The following SLC22A4 variants were observed in gnomAD, a reference collection of about 807,000 sequenced individuals.
SLC22A4 encodes ET transporter.
SLC22A4 carries 39 observed loss-of-function variants against 56.6 expected under a neutral mutation model. That is an observed-to-expected ratio of 0.69 (90% CI 0.53 to 0.90). The LOEUF (loss-of-function observed/expected upper bound fraction) is 0.90, where lower values mean the gene tolerates loss of function less well. SLC22A4 is among the 40% of genes least tolerant of loss of function. The pLI, the probability that SLC22A4 is intolerant of heterozygous loss-of-function variation, is 0.00. For synonymous variants in SLC22A4, 241 were observed against 281.4 expected, an observed-to-expected ratio of 0.86 and a Z score of 1.44; for missense variants, 594 against 696.5, an observed-to-expected ratio of 0.85 and a Z score of 1.66.
intron 1 of SLC22A4, among the ~76,000 whole-genome samples, chr5:132,298,653 C>A (rs925539351): frequency 6.6e-6 from 1 of 152,176 alleles, no homozygotes; most frequent in South Asian, 2.1e-4. Context: ...AGAGAAGCCA[C>A]CTTATCTGAG....
intron 9 of SLC22A4, among the ~76,000 whole-genome samples, chr5:132,343,504 A>T (rs185999944): frequency 6.6e-6 from 1 of 152,266 alleles, no homozygotes; most frequent in Non-Finnish European, 1.5e-5. Context: ...CAAGAATTTC[A>T]TGCCTCCCTC....
In SLC22A4 at chr5:132,334,648, T is replaced by C. The variant is rs1750965886; in HGVS notation, c.1047-70T>C. 3 of 1,065,710 alleles carry C rather than the reference T, an allele frequency of 2.8e-6. No individual in the cohort carries two copies. The East Asian group carries it at 7.1e-5, about 25-fold the overall frequency. 66.0% of individuals were successfully genotyped at this position (1,065,710 alleles called of 1,614,324 possible). A position where few individuals can be genotyped will look rare whatever the true frequency, so the allele number is the denominator to read the frequency against. On this transcript the variant is annotated intron_variant, in intron 6 of 9. Coordinates refer to ENST00000200652, the MANE Select transcript of SLC22A4 (RefSeq NM_003059.3). ...TTATAAGACAGCAAGATATAGAGAA[T>C]TTCTTGACCATCATAAAATTTTAGA...
chr5:132,299,394 G>GTTTTT (rs1254456513), intron 1 of SLC22A4, among the ~76,000 whole-genome samples: 14 of 77,892 alleles, frequency 1.8e-4, no homozygotes, highest in East Asian at 6.0e-4. Context: ...ATTATTTTTC[G>GTTTTT]TTTTATTTTA....
At position 132,318,605 on chromosome 5, in the gene SLC22A4, CT is replaced by C. The variant is rs371028756; in HGVS notation, c.653-3578del. Among the ~76,000 whole-genome samples, 607 of 152,288 alleles carry C rather than the reference CT, an allele frequency of 4.0e-3. 3 individuals are homozygous for C. The highest frequency in any genetic ancestry group is 0.012 in the African/African-American group (481 of 41,552). Reference sequence around the variant, plus strand: ...GGCCCAGCGGTTCCTGGGGCAGGTACTGCTCTACATGGAAGGCAGCCTGGCC... The same window carrying C: ...GGCCCAGCGGTTCCTGGGGCAGGTACGCTCTACATGGAAGGCAGCCTGGCC... On this transcript the variant is annotated intron_variant, in intron 3 of 9. Coordinates refer to ENST00000200652, the MANE Select transcript of SLC22A4 (RefSeq NM_003059.3).
chr5:132,301,049 G>C (rs1231197772), intron 1 of SLC22A4, among the ~76,000 whole-genome samples: 1 of 152,240 alleles, frequency 6.6e-6, no homozygotes, highest in Admixed American at 6.5e-5. Flanking sequence ...CTCCTGCCCT[G>C]AGGCTAAAGG....
chr5:132,312,565 C>T (rs1750212947), intron 2 of SLC22A4, among the ~76,000 whole-genome samples: 1 of 152,196 alleles, frequency 6.6e-6, no homozygotes, highest in Admixed American at 6.5e-5. Context: ...CTTGACAAAA[C>T]ATGACGCTGC....
At chr5:132,332,020 A>G (rs1655897257) in intron 6 of SLC22A4, among the ~76,000 whole-genome samples, 170 bp downstream of exon 6, 1 of 152,232 alleles carries the variant, frequency 6.6e-6, no homozygotes, top group South Asian at 2.1e-4. Context: ...GGGACTAGAT[A>G]TTGAAAAATG....
At position 132,314,269 on chromosome 5, in the gene SLC22A4, C is replaced by T. The variant is rs568542831; in HGVS notation, c.652+501C>T. ...TCTGGCCTCACCCTGAGTTAGAGCC[C>T]ACCCCAGAGCCTATCAGCTAAGCAC... is the stretch of plus-strand genomic sequence containing the variant. On this transcript the variant is annotated intron_variant, in intron 3 of 9. Coordinates refer to ENST00000200652, the MANE Select transcript of SLC22A4 (RefSeq NM_003059.3). Among the ~76,000 whole-genome samples the T allele has an allele frequency of 1.1e-4, 17 of 152,314 alleles. No homozygotes were observed. The South Asian group carries it at 1.2e-3, about 11-fold the overall frequency.
At chr5:132,334,143 T>G (rs1023161899) in intron 6 of SLC22A4, among the ~76,000 whole-genome samples, 1 of 152,174 alleles carries the variant, frequency 6.6e-6, no homozygotes, top group African/African-American at 2.4e-5. Context: ...TTAACTATAA[T>G]GACAGAATAT....
chr5:132,334,787 G>A lies in SLC22A4; in HGVS notation c.1116G>A (p.Leu372=). Residue 372 remains leucine, a synonymous_variant, in exon 7 of 10, where the codon CTG becomes CTA. Coordinates refer to ENST00000200652, the MANE Select transcript of SLC22A4 (RefSeq NM_003059.3). Reference sequence around the variant, plus strand: ...CTAATTTACATGGAGATGCCTACCTGAACTGTTTCCTCTCTGCCTTGATTG... The same window carrying A: ...CTAATTTACATGGAGATGCCTACCTAAACTGTTTCCTCTCTGCCTTGATTG... The part of the protein sequence containing the change: ...DAPNLHGDAY[L]NCFLSALIEI... The A allele has an allele frequency of 6.2e-7, 1 of 1,614,052 alleles. No homozygotes were observed. Among genetic ancestry groups the A allele is most frequent in the Non-Finnish European group, 8.5e-7 (1 of 1,179,934 alleles).
intron 2 of SLC22A4, 48 bp downstream of exon 2, chr5:132,312,312 C>T: frequency 8.9e-7 from 1 of 1,122,264 alleles, no homozygotes; most frequent in Non-Finnish European, 1.4e-6. Context: ...CCTTGTCAAT[C>T]ACTGCCTATC....
At chr5:132,308,943 G>A (rs1288403920) in intron 1 of SLC22A4, among the ~76,000 whole-genome samples, 1 of 152,222 alleles carries the variant, frequency 6.6e-6, no homozygotes. Flanking sequence ...GTATGTGTGT[G>A]TGCATGTATG....
chr5:132,303,255 T>C (rs533731703), intron 1 of SLC22A4, among the ~76,000 whole-genome samples: 30 of 152,202 alleles, frequency 2.0e-4, no homozygotes, highest in Non-Finnish European at 3.1e-4. Flanking sequence ...GCCAGCGCCA[T>C]AGACCAGCTC....
At chr5:132,338,980 T>C (rs1751114887) in intron 8 of SLC22A4, among the ~76,000 whole-genome samples, 1 of 152,318 alleles carries the variant, frequency 6.6e-6, no homozygotes, top group South Asian at 2.1e-4. Flanking sequence ...AAGTGATAAG[T>C]GTCCATGAAA....
intron 3 of SLC22A4, 36 bp downstream of exon 3, chr5:132,313,804 C>T (rs1750255148): frequency 2.5e-6 from 4 of 1,606,454 alleles, no homozygotes; most frequent in Middle Eastern, 3.4e-4. Flanking sequence ...GTGCTTCCCT[C>T]TAACCCTCTG....
At chr5:132,319,301 C>CAAAAAAAAAAAA (rs55756450) in intron 3 of SLC22A4, among the ~76,000 whole-genome samples, 1 of 85,526 alleles carries the variant, frequency 1.2e-5, no homozygotes. Flanking sequence ...AAGTCTGTCT[C>CAAAAAAAAAAAA]AAAAAAAAAA....
At chr5:132,341,374 T>C (rs1215382351) in intron 9 of SLC22A4, among the ~76,000 whole-genome samples, 2 of 150,856 alleles carry the variant, frequency 1.3e-5, no homozygotes, top group East Asian at 2.0e-4. Flanking sequence ...GCCAACATCA[T>C]GCCACCGCAC....
At chr5:132,309,917 G>GGA (rs1421262647) in intron 1 of SLC22A4, among the ~76,000 whole-genome samples, 2 of 152,248 alleles carry the variant, frequency 1.3e-5, no homozygotes, top group Admixed American at 6.5e-5. Context: ...AGACTACAAA[G>GGA]GAGAGCACAT....
chr5:132,305,650 G>A (rs974880631), intron 1 of SLC22A4, among the ~76,000 whole-genome samples: 1 of 152,172 alleles, frequency 6.6e-6, no homozygotes, highest in Non-Finnish European at 1.5e-5. Context: ...CATATTCTAA[G>A]TGCTGAAGGA....
Sources: gnomAD v4.1 joint callset for allele counts (sites outside exome capture counted in the v4.1 genomes callset) on GRCh38, gnomAD v4.1.1 for gene constraint, MANE v1.5 for transcripts, NCBI Gene and HGNC (gene_info 2026-07-23, HGNC 2026-07-21) for gene names.